Variants in RUNX1 observed in about 807,000 individuals in gnomAD.
RUNX1 encodes the protein RUNX family transcription factor 1.
In RUNX1, 19 loss-of-function variants were observed where a neutral mutation model predicts 42.8. The ratio of observed to expected loss-of-function variants is 0.44; its 90% confidence interval spans 0.31 to 0.65. The LOEUF (loss-of-function observed/expected upper bound fraction) is 0.65. Ranked by LOEUF, RUNX1 falls within the 30% of genes least tolerant of loss-of-function variation. The pLI, the probability that RUNX1 is intolerant of heterozygous loss-of-function variation, is 0.07. For synonymous variants in RUNX1, 271 were observed against 289.4 expected (o/e 0.94, Z 0.64); for missense variants, 528 against 672.0 (o/e 0.79, Z 2.37).
At chr21:34,990,286 T>C (rs1260789905) in intron 2 of RUNX1, among the ~76,000 whole-genome samples, 1 of 152,148 alleles carries the variant, frequency 6.6e-6, no homozygotes, top group East Asian at 1.9e-4. Context: ...AGTTTGTTTG[T>C]GATGCAAGTA....
intron 7 of RUNX1, chr21:34,821,513 G>A: frequency 1.3e-6 from 2 of 1,498,704 alleles, no homozygotes; most frequent in Non-Finnish European, 1.8e-6. Flanking sequence ...GGGGGAGAAG[G>A]GACACGGAGG....
chr21:34,824,764 C>A lies in RUNX1; in HGVS notation c.805+9646G>T, dbSNP rs139982045. Among the ~76,000 whole-genome samples the A allele has an allele frequency of 6.4e-3, 979 of 152,262 alleles. 12 individuals carry two copies. The highest frequency in any genetic ancestry group is 0.022 in the African/African-American group (921 of 41,538). On this transcript the variant is annotated intron_variant, in intron 7 of 8. Transcript: ENST00000675419. Reference sequence around the variant, plus strand: ...ACAGGTAATGAAAGTCCCTCCGCATCATTTAAATCACAAATACTGGATTTT... The same window carrying A: ...ACAGGTAATGAAAGTCCCTCCGCATAATTTAAATCACAAATACTGGATTTT...
chr21:34,943,132 A>T (rs963309528), intron 2 of RUNX1, among the ~76,000 whole-genome samples: 20 of 152,248 alleles, frequency 1.3e-4, no homozygotes, highest in African/African-American at 4.3e-4. Context: ...CATCAAGATC[A>T]GCTTCTGAAG....
intron 7 of RUNX1, among the ~76,000 whole-genome samples, chr21:34,807,891 G>C (rs1328649403): frequency 2.0e-5 from 3 of 152,158 alleles, no homozygotes. Context: ...AGTCCCTGGG[G>C]GTGGGTGACT....
At position 34,957,601 on chromosome 21, in the gene RUNX1, G is replaced by A. The variant is rs568050694; in HGVS notation, c.59-64638C>T. On this transcript the variant is annotated intron_variant, in intron 2 of 8. Transcript: ENST00000675419. ...TTCCCTCATCCTTTCTCTATTATCC[G>A]AGGATAACAGGGTGATAGACTGAAG... 1.3e-5 allele frequency among the ~76,000 whole-genome samples: 2 copies of A among 152,244 alleles called. 1 individual carries two copies. The highest frequency in any genetic ancestry group is 4.8e-5 in the African/African-American group (2 of 41,550).
At chr21:34,823,724 T>C (rs1024592256) in intron 7 of RUNX1, among the ~76,000 whole-genome samples, 5 of 152,176 alleles carry the variant, frequency 3.3e-5, no homozygotes, top group South Asian at 2.1e-4. Context: ...ATTACCAGCA[T>C]GAGCCACTGT....
chr21:34,832,693 C>T (rs1016499126), intron 7 of RUNX1, among the ~76,000 whole-genome samples: 3 of 152,100 alleles, frequency 2.0e-5, no homozygotes, highest in Non-Finnish European at 4.4e-5. Context: ...TGCCCCAAGC[C>T]CATCTCGCTC....
chr21:34,880,468 G>T (rs1188873489), intron 5 of RUNX1, 89 bp downstream of exon 5: 1 of 1,222,602 alleles, frequency 8.2e-7, no homozygotes, highest in South Asian at 1.2e-5. Context: ...GAGTTTCTAG[G>T]GATTCCATCA....
chr21:35,034,832 T>C (rs2059296362), intron 2 of RUNX1, among the ~76,000 whole-genome samples: 1 of 152,196 alleles, frequency 6.6e-6, no homozygotes, highest in Non-Finnish European at 1.5e-5. Flanking sequence ...TCCCAGCCAC[T>C]AGCTCTCTCA....
rs1407062198 is a variant in RUNX1 at position 34,967,350 on chromosome 21, A to AAAG, written c.59-74390_59-74388dup. 3.1e-3 allele frequency among the ~76,000 whole-genome samples: 445 copies of AAAG among 143,082 alleles called. 2 individuals carry two copies. Among genetic ancestry groups the AAAG allele is most frequent in the African/African-American group, 4.0e-3 (152 of 38,298 alleles). The allele number at this position is 143,082 out of a possible 152,430, so 93.9% of individuals were successfully genotyped here. A position where few individuals can be genotyped will look rare whatever the true frequency, so the allele number is the denominator to read the frequency against. On this transcript the variant is annotated intron_variant, in intron 2 of 8. Transcript: ENST00000675419. Reference sequence around the variant, plus strand: ...AAAAAAAAAAAAAAAAAAAAAAAAAAAAGAAGAATAGCGTTTTCCCATTGA... The same window carrying AAAG: ...AAAAAAAAAAAAAAAAAAAAAAAAAAAAGAAGAAGAATAGCGTTTTCCCATTGA...
chr21:34,795,027 C>T lies in RUNX1; in HGVS notation c.968-2417G>A, dbSNP rs139628497. ...TTCCTTAGAATTATTCATTAAATGACCAGGCTAGGACTCTCCTCTTTATAT... is the reference window on the plus strand; with the variant it reads ...TTCCTTAGAATTATTCATTAAATGATCAGGCTAGGACTCTCCTCTTTATAT... On this transcript the variant is annotated intron_variant, in intron 8 of 8. Transcript: ENST00000675419. Among the ~76,000 whole-genome samples the T allele has an allele frequency of 5.2e-3, 786 of 152,286 alleles. 6 individuals carry two copies. The highest frequency in any genetic ancestry group is 0.018 in the African/African-American group (748 of 41,558).
At chr21:34,889,926 C>G in intron 3 of RUNX1, 1 of 931,522 alleles carries the variant, frequency 1.1e-6, no homozygotes. Context: ...CCCCGGATCC[C>G]GGCCCCGTTC....
chr21:34,802,723 T>C (rs1412803919), intron 7 of RUNX1, among the ~76,000 whole-genome samples: 1 of 152,170 alleles, frequency 6.6e-6, no homozygotes, highest in African/African-American at 2.4e-5. Flanking sequence ...GTGGTATCTA[T>C]TACATGCTTA....
At chr21:34,894,743 GA>G (rs887456374) in intron 2 of RUNX1, among the ~76,000 whole-genome samples, 21 of 152,064 alleles carry the variant, frequency 1.4e-4, no homozygotes, top group African/African-American at 5.1e-4. Context: ...GGCAATGGGT[GA>G]AGTGCTTTTA....
chr21:34,821,519 G>A (rs1042914102), intron 7 of RUNX1: 17 of 1,504,856 alleles, frequency 1.1e-5, no homozygotes, highest in African/African-American at 2.8e-5. Flanking sequence ...GAAGGGACAC[G>A]GAGGAATTAC....
intron 2 of RUNX1, among the ~76,000 whole-genome samples, chr21:34,985,520 T>C (rs925430864): frequency 1.3e-5 from 2 of 152,206 alleles, no homozygotes; most frequent in African/African-American, 4.8e-5. Context: ...ATTTTTTCTC[T>C]GAAAGCTCTC....
chr21:35,004,589 C>G (rs750454558), intron 2 of RUNX1, among the ~76,000 whole-genome samples: 2 of 152,180 alleles, frequency 1.3e-5, no homozygotes, highest in African/African-American at 4.8e-5. Context: ...GTTTTTATCA[C>G]CCCGTCCATT....
chr21:34,939,691 G>C (rs1376277651), intron 2 of RUNX1, among the ~76,000 whole-genome samples: 1 of 152,144 alleles, frequency 6.6e-6, no homozygotes, highest in Non-Finnish European at 1.5e-5. Context: ...TCCATCCAGG[G>C]AGTTGAAACA....
Position 34,792,402 on chromosome 21 carries a change from C to T in RUNX1, c.1176G>A (p.Gln392=), listed in dbSNP as rs1432531187. 1 of 1,566,620 alleles carries T rather than the reference C, an allele frequency of 6.4e-7. No individual in the cohort carries two copies. The highest frequency in any genetic ancestry group is 1.9e-5 in the Admixed American group (1 of 52,404). ...PPPYPGSSQA[Q]GGPFQASSPS... is the part of the protein sequence containing the mutation. ...GCGAGCTGGCTTGGAACGGGCCTCC[C>T]TGCGCTTGCGACGAGCCGGGGTAGG... The change falls in exon 9 of 9, where the codon CAG becomes CAA. Residue 392 remains glutamine, a synonymous_variant. Coordinates refer to ENST00000675419, the MANE Select transcript of RUNX1 (RefSeq NM_001754.5). The surrounding 1 kb of genome is among the most constrained non-coding windows in gnomAD (Gnocchi z 6.9).
Sources: allele counts gnomAD v4.1 joint callset (sites outside exome capture counted in the v4.1 genomes callset), GRCh38; gene constraint gnomAD v4.1.1; non-coding constraint Gnocchi (gnomAD v3.1); transcripts MANE v1.5; gene names NCBI Gene and HGNC (gene_info 2026-07-23, HGNC 2026-07-21).